RASGRF2: variants seen among roughly 807,000 people sequenced by gnomAD.
RASGRF2 encodes the protein ras-specific guanine nucleotide-releasing factor 2.
Under a neutral mutation model 151.0 loss-of-function variants are expected in RASGRF2, and 76 were observed. The ratio of observed to expected loss-of-function variants is 0.50; its 90% confidence interval spans 0.42 to 0.61. The LOEUF is 0.61. Ranked by LOEUF, RASGRF2 falls within the 20% of genes least tolerant of loss-of-function variation. The probability of loss-of-function intolerance (pLI) is 0.00; values close to 1 mark genes in which losing one functional copy is unlikely to be tolerated. For missense variants in RASGRF2, 1,148 were observed against 1,564.6 expected, an observed-to-expected ratio of 0.73 and a Z score of 4.49; for synonymous variants, 504 against 566.5, an observed-to-expected ratio of 0.89 and a Z score of 1.57.
In RASGRF2 at chr5:81,008,139, C is replaced by CTTT. The variant is rs58105434; in HGVS notation, c.289-34711_289-34709dup. ...AGTTTTCTTTTTCTTTCTTTCTTTC[C>CTTT]TTTTTTTTTTTTTTTTTTTTTTTTT... is the stretch of plus-strand genomic sequence containing the variant. On this transcript the variant is annotated intron_variant, in intron 1 of 26. Transcript: ENST00000265080. Among the ~76,000 whole-genome samples the CTTT allele has an allele frequency of 9.6e-3, 817 of 85,316 alleles. 125 individuals are homozygous for CTTT. The highest frequency in any genetic ancestry group is 0.028 in the African/African-American group (610 of 21,416). The allele number at this position is 85,316 out of a possible 152,430, so 56.0% of individuals were successfully genotyped here.
intron 1 of RASGRF2, among the ~76,000 whole-genome samples, chr5:81,040,829 G>C (rs191299295): frequency 6.6e-6 from 1 of 152,214 alleles, no homozygotes. Flanking sequence ...GTTCACAGTG[G>C]TTAGGAACTT....
chr5:81,045,611 T>C (rs1315521214), intron 2 of RASGRF2, among the ~76,000 whole-genome samples: 1 of 152,174 alleles, frequency 6.6e-6, no homozygotes, highest in Admixed American at 6.5e-5. Flanking sequence ...ATTGACTTTT[T>C]CCCTTGATGT....
At chr5:81,155,066 A>T (rs542785056) in intron 17 of RASGRF2, among the ~76,000 whole-genome samples, 1 of 152,284 alleles carries the variant, frequency 6.6e-6, no homozygotes, top group African/African-American at 2.4e-5. Flanking sequence ...CCTGTTGGCC[A>T]TTTGTGTGTC....
Position 80,961,011 on chromosome 5 carries a change from C to T in RASGRF2, c.273C>T (p.Asp91=). Residue 91 remains aspartate, a synonymous_variant, in exon 1 of 27, where the codon GAC becomes GAT. Coordinates refer to ENST00000265080, the MANE Select transcript of RASGRF2 (RefSeq NM_006909.3). ...RAGAGQGGVR[D]ALDKQYYFTV... ...GCGCCGGGCAGGGAGGCGTCCGAGA[C>T]GCGCTGGACAAGCAGGTACCGCGCG... The T allele has an allele frequency of 6.6e-7, 1 of 1,510,596 alleles. No individual in the cohort carries two copies. Among genetic ancestry groups the T allele is most frequent in the African/African-American group, 1.4e-5 (1 of 72,224 alleles). The allele number at this position is 1,510,596 out of a possible 1,614,324, so 93.6% of individuals were successfully genotyped here. A position where few individuals can be genotyped will look rare whatever the true frequency, so the allele number is the denominator to read the frequency against.
At chr5:80,970,314 A>G (rs1047542621) in intron 1 of RASGRF2, among the ~76,000 whole-genome samples, 1 of 152,168 alleles carries the variant, frequency 6.6e-6, no homozygotes, top group African/African-American at 2.4e-5. Flanking sequence ...TTTCTGTCCT[A>G]TGACTGATTG....
At chr5:81,106,136 G>GT (rs936322413) in intron 12 of RASGRF2, among the ~76,000 whole-genome samples, 9 of 152,058 alleles carry the variant, frequency 5.9e-5, no homozygotes, top group Admixed American at 5.9e-4. Context: ...ATTTGGCTAT[G>GT]TTTTTTTCCT....
At position 81,213,809 on chromosome 5, in the gene RASGRF2, C is replaced by T. The variant is rs144375688; in HGVS notation, c.3354+1246C>T. 6.6e-5 allele frequency among the ~76,000 whole-genome samples: 10 copies of T among 152,188 alleles called. No individual in the cohort carries two copies. In the East Asian group the frequency reaches 1.5e-3, roughly 24 times the overall value. On this transcript the variant is annotated intron_variant, in intron 23 of 26. Transcript: ENST00000265080. ...ACTCAAAAGTCCTCTTTTCTGTCAA[C>T]AATGGACCTGGTAAATAAAAGCCAC...
intron 13 of RASGRF2, among the ~76,000 whole-genome samples, chr5:81,110,369 T>C (rs1752961324): frequency 6.6e-6 from 1 of 152,190 alleles, no homozygotes; most frequent in Non-Finnish European, 1.5e-5. Flanking sequence ...GGAAATAAAG[T>C]AAGATTCTAC....
At chr5:81,137,783 CATTT>C (rs2112593446) in intron 17 of RASGRF2, among the ~76,000 whole-genome samples, 1 of 152,346 alleles carries the variant, frequency 6.6e-6, no homozygotes, top group South Asian at 2.1e-4. Flanking sequence ...TGAGAAAATA[CATTT>C]ATTTAGCACC....
chr5:81,183,032 C>T (rs1474651139), intron 18 of RASGRF2: 2 of 281,472 alleles, frequency 7.1e-6, no homozygotes, highest in South Asian at 2.8e-4. Flanking sequence ...CTAGTTGAGT[C>T]CATTTAAGGA....
At chr5:81,016,032 G>T (rs1031994294) in intron 1 of RASGRF2, among the ~76,000 whole-genome samples, 2 of 152,082 alleles carry the variant, frequency 1.3e-5, no homozygotes, top group African/African-American at 4.8e-5. Flanking sequence ...TGACAATGGC[G>T]ACTGAACTCA....
chr5:81,192,753 G>A (rs1456176081), intron 18 of RASGRF2, among the ~76,000 whole-genome samples: 1 of 152,208 alleles, frequency 6.6e-6, no homozygotes. Context: ...GCAAACCTGT[G>A]TACCCCAGAC....
intron 12 of RASGRF2, chr5:81,096,071 C>A (rs1374536976): frequency 6.6e-6 from 1 of 152,120 alleles, no homozygotes; most frequent in Non-Finnish European, 1.5e-5. Flanking sequence ...TAATTTGGGT[C>A]TTTTTTTCTG....
At chr5:81,138,891 AC>A (rs1753818343) in intron 17 of RASGRF2, among the ~76,000 whole-genome samples, 1 of 152,112 alleles carries the variant, frequency 6.6e-6, no homozygotes, top group South Asian at 2.1e-4. Context: ...GGATATGGTA[AC>A]TTCTAAGTTC....
intron 1 of RASGRF2, among the ~76,000 whole-genome samples, chr5:81,009,943 G>C (rs999657384): frequency 3.3e-5 from 5 of 152,070 alleles, no homozygotes; most frequent in Non-Finnish European, 7.4e-5. Flanking sequence ...CGGATCACAA[G>C]GTCAGGAGTT....
intron 1 of RASGRF2, among the ~76,000 whole-genome samples, chr5:80,998,376 A>C (rs958121739): frequency 6.6e-6 from 1 of 152,046 alleles, no homozygotes; most frequent in Non-Finnish European, 1.5e-5. Context: ...GATACCGTAC[A>C]TTCTGAGATT....
At chr5:81,061,250 T>C (rs1327694083) in intron 2 of RASGRF2, among the ~76,000 whole-genome samples, 17 of 152,170 alleles carry the variant, frequency 1.1e-4, no homozygotes, top group Non-Finnish European at 5.9e-5. Flanking sequence ...ATGAACATTT[T>C]GTTTCTTTTG....
chr5:81,102,868 C>G (rs1424810285), intron 12 of RASGRF2, among the ~76,000 whole-genome samples: 1 of 152,120 alleles, frequency 6.6e-6, no homozygotes, highest in Non-Finnish European at 1.5e-5. Flanking sequence ...AACACTTCTA[C>G]AATCTGGGGC....
intron 1 of RASGRF2, among the ~76,000 whole-genome samples, chr5:81,028,120 G>A (rs147187798): frequency 2.0e-5 from 3 of 152,060 alleles, no homozygotes; most frequent in African/African-American, 4.8e-5. Flanking sequence ...ATACAGAATT[G>A]GAGGGAAATC....
Sources: allele counts gnomAD v4.1 joint callset (sites outside exome capture counted in the v4.1 genomes callset), GRCh38; gene constraint gnomAD v4.1.1; transcripts MANE v1.5; gene names NCBI Gene and HGNC (gene_info 2026-07-23, HGNC 2026-07-21).